ZNF521: variants seen among roughly 807,000 people sequenced by gnomAD.
The protein encoded by ZNF521 is LYST-interacting protein 3.
In ZNF521, 14 loss-of-function variants were observed where a neutral mutation model predicts 105.5. The observed-to-expected ratio is 0.13, with a 90% confidence interval of 0.09 to 0.21. The LOEUF (loss-of-function observed/expected upper bound fraction) is 0.21, where lower values mean the gene tolerates loss of function less well. Ranked by LOEUF, ZNF521 falls within the 10% of genes least tolerant of loss-of-function variation. The pLI, the probability that ZNF521 is intolerant of heterozygous loss-of-function variation, is 1.00. For synonymous variants in ZNF521, 635 were observed against 606.0 expected, an observed-to-expected ratio of 1.05 and a Z score of -0.70; for missense variants, 1,233 against 1,629.7, an observed-to-expected ratio of 0.76 and a Z score of 4.19.
intron 4 of ZNF521, among the ~76,000 whole-genome samples, chr18:25,216,683 T>C (rs1000483725): frequency 3.9e-5 from 6 of 152,190 alleles, no homozygotes; most frequent in African/African-American, 1.4e-4. Flanking sequence ...TTCAGCCTCC[T>C]GAGTAGCTAG....
chr18:25,169,639 C>T (rs182962502), intron 5 of ZNF521, among the ~76,000 whole-genome samples: 1 of 152,150 alleles, frequency 6.6e-6, no homozygotes, highest in Admixed American at 6.6e-5. Context: ...ATGGTAAAAT[C>T]GGTATCTCTT....
chr18:25,282,559 G>A (rs1295955771), intron 3 of ZNF521, among the ~76,000 whole-genome samples: 1 of 152,122 alleles, frequency 6.6e-6, no homozygotes, highest in African/African-American at 2.4e-5. Context: ...CACATGGAGG[G>A]GGCGGTGCAT....
At chr18:25,263,844 C>T (rs1909079976) in intron 3 of ZNF521, among the ~76,000 whole-genome samples, 1 of 152,162 alleles carries the variant, frequency 6.6e-6, no homozygotes, top group Non-Finnish European at 1.5e-5. Flanking sequence ...TCCCAAAGTA[C>T]TAGGATTACA....
intron 5 of ZNF521, among the ~76,000 whole-genome samples, chr18:25,113,008 G>A (rs2034223823): frequency 3.7e-5 from 4 of 109,166 alleles, no homozygotes; most frequent in Non-Finnish European, 7.4e-5. Context: ...TAAAATTACT[G>A]TGTCTAACCT....
intron 3 of ZNF521, among the ~76,000 whole-genome samples, chr18:25,307,266 G>A (rs1600285431): frequency 6.6e-6 from 1 of 152,148 alleles, no homozygotes; most frequent in East Asian, 1.9e-4. Context: ...AATCTAATCT[G>A]AATATGTGTT....
intron 7 of ZNF521, among the ~76,000 whole-genome samples, chr18:25,083,706 C>A (rs2033554560): frequency 6.6e-6 from 1 of 152,042 alleles, no homozygotes; most frequent in South Asian, 2.1e-4. Context: ...AAGTGTCTGG[C>A]ATCATGGTGA....
Position 25,062,760 on chromosome 18 carries a change from A to C in ZNF521, c.3907-19T>G. The C allele has an allele frequency of 9.2e-7, 1 of 1,086,556 alleles. No individual in the cohort carries two copies. The highest frequency in any genetic ancestry group is 1.2e-6 in the Non-Finnish European group (1 of 826,234). The allele number at this position is 1,086,556 out of a possible 1,614,324, so 67.3% of individuals were successfully genotyped here. On this transcript the variant is annotated intron_variant, in intron 7 of 7. Transcript: ENST00000361524. Reference sequence around the variant, plus strand: ...TATGATTCTGTAAATAACAAAAAAAAAAAAAAAAAAAAAAAAAAAAAAAAA... The same window carrying C: ...TATGATTCTGTAAATAACAAAAAAACAAAAAAAAAAAAAAAAAAAAAAAAA...
chr18:25,280,328 T>C (rs1910284768), intron 3 of ZNF521, among the ~76,000 whole-genome samples: 2 of 152,112 alleles, frequency 1.3e-5, no homozygotes, highest in African/African-American at 4.8e-5. Context: ...CACACGACAA[T>C]TCTGTTTAAG....
chr18:25,350,816 C>T, intron 2 of ZNF521, 91 bp downstream of exon 2: 1 of 1,429,438 alleles, frequency 7.0e-7, no homozygotes, highest in Non-Finnish European at 9.5e-7. Context: ...CTCACGCGCG[C>T]ACACGCCTCG....
At chr18:25,286,816 G>A (rs759768753) in intron 3 of ZNF521, among the ~76,000 whole-genome samples, 8 of 152,224 alleles carry the variant, frequency 5.3e-5, no homozygotes, top group Admixed American at 6.5e-5. Context: ...GCACCTCAGC[G>A]GTTAAAAGCG....
rs758784311 is a variant in ZNF521 at position 25,225,349 on chromosome 18, C to T, written c.2569G>A (p.Glu857Lys). Residue 857 changes from glutamate to lysine, a missense_variant, in exon 4 of 8, where the codon GAG (glutamate) becomes AAG (lysine). Physicochemically the swap from Glu to Lys is moderately conservative, Grantham distance 56 (BLOSUM62 1). Around this residue, in one of 6 missense-constraint regions of ZNF521, gnomAD observed 614 missense variants for 751.5 expected, o/e 0.82. Transcript: ENST00000361524. This position sits in a 1 kb window ranked among gnomAD's most constrained non-coding sequence, Gnocchi z 5.6. ...ASEQVQKEEV[E>K]LQTLLTNSQE... ...CTGTTGGTCAGCAAAGTCTGCAGCT[C>T]CACTTCCTCTTTCTGCACTTGCTCG... 3 of 1,614,038 alleles carry T rather than the reference C, an allele frequency of 1.9e-6. No individual in the cohort carries two copies. In the African/African-American group the frequency reaches 4.0e-5, roughly 22 times the overall value.
rs372483992 is a variant in ZNF521 at position 25,092,937 on chromosome 18, C to T, written c.3659-856G>A. Among the ~76,000 whole-genome samples the T allele has an allele frequency of 1.5e-4, 23 of 152,050 alleles. No individual in the cohort carries two copies. In the East Asian group the frequency reaches 3.5e-3, roughly 23 times the overall value. ...TTGAAGTTTAAAATGTAAGGATTAT[C>T]CTAACTTATTTCATTGTGCAATTGT... On this transcript the variant is annotated intron_variant, in intron 5 of 7. Transcript: ENST00000361524.
intron 2 of ZNF521, among the ~76,000 whole-genome samples, chr18:25,337,701 C>T (rs576788585): frequency 3.3e-5 from 5 of 152,278 alleles, no homozygotes; most frequent in South Asian, 4.1e-4. Flanking sequence ...GGCACACTGG[C>T]GGTATCCATT....
intron 5 of ZNF521, among the ~76,000 whole-genome samples, chr18:25,107,066 G>T (rs903482872): frequency 6.6e-6 from 1 of 152,162 alleles, no homozygotes; most frequent in Non-Finnish European, 1.5e-5. Context: ...AAAGGCTTTG[G>T]GATCACTTAG....
intron 7 of ZNF521, among the ~76,000 whole-genome samples, chr18:25,069,738 T>G (rs577598185): frequency 6.6e-6 from 1 of 152,338 alleles, no homozygotes; most frequent in East Asian, 1.9e-4. Context: ...AAAAGACATA[T>G]GCATAGTGGA....
intron 5 of ZNF521, among the ~76,000 whole-genome samples, chr18:25,123,296 A>G (rs1308521556): frequency 1.3e-5 from 2 of 152,076 alleles, no homozygotes; most frequent in Non-Finnish European, 2.9e-5. Context: ...CATAGTCACA[A>G]TGGCATTACT....
At chr18:25,152,360 T>C (rs2035063956) in intron 5 of ZNF521, among the ~76,000 whole-genome samples, 1 of 151,680 alleles carries the variant, frequency 6.6e-6, no homozygotes, top group Non-Finnish European at 1.5e-5. Flanking sequence ...ACACCTGTGG[T>C]CCCAGCTACT....
chr18:25,083,299 A>C (rs2033543837), intron 7 of ZNF521, among the ~76,000 whole-genome samples: 1 of 152,240 alleles, frequency 6.6e-6, no homozygotes, highest in Non-Finnish European at 1.5e-5. Flanking sequence ...ACTGATTAAC[A>C]TGAAACCATG....
At chr18:25,270,956 A>T (rs1428520948) in intron 3 of ZNF521, among the ~76,000 whole-genome samples, 1 of 152,188 alleles carries the variant, frequency 6.6e-6, no homozygotes, top group South Asian at 2.1e-4. Flanking sequence ...AATAAAGCAT[A>T]CTCAAATAGG....
Sources: allele counts gnomAD v4.1 joint callset (sites outside exome capture counted in the v4.1 genomes callset), GRCh38; gene constraint gnomAD v4.1.1; regional missense constraint gnomAD v4.1.1; non-coding constraint Gnocchi (gnomAD v3.1); transcripts MANE v1.5; gene names NCBI Gene and HGNC (gene_info 2026-07-23, HGNC 2026-07-21).